SH3TC2: variants seen among roughly 807,000 people sequenced by gnomAD.
The protein encoded by SH3TC2 is SH3 domain and tetratricopeptide repeats 2, also known as SH3 domain and tetratricopeptide repeat-containing protein 2.
A neutral mutation model predicts 124.5 loss-of-function variants in SH3TC2; 87 were observed. That is an observed-to-expected ratio of 0.70 (90% CI 0.59 to 0.84). The LOEUF (loss-of-function observed/expected upper bound fraction) is 0.84, where lower values mean the gene tolerates loss of function less well. Among genes scored for constraint, SH3TC2 ranks in the 40% least tolerant of loss-of-function variants. The probability of loss-of-function intolerance (pLI) is 0.00; values close to 1 mark genes in which losing one functional copy is unlikely to be tolerated. For synonymous variants in SH3TC2, 634 were observed against 628.5 expected, an observed-to-expected ratio of 1.01 and a Z score of -0.13; for missense variants, 1,536 against 1,566.4, an observed-to-expected ratio of 0.98 and a Z score of 0.33.
rs1035590438 is a variant in SH3TC2 at position 149,003,709 on chromosome 5, T to C, written c.*1002A>G. 3 of 397,108 alleles carry C rather than the reference T, an allele frequency of 7.6e-6. No homozygotes were observed. The highest frequency in any genetic ancestry group is 6.4e-5 in the African/African-American group (3 of 47,160). The allele number at this position is 397,108 out of a possible 1,614,324, so 24.6% of individuals were successfully genotyped here. ...CTGAAATCAATAAGATGCCTTGTAG[T>C]TGGGTATGGCACATGCCTGTAGTTC... On this transcript the variant is annotated 3_prime_UTR_variant, in exon 17 of 17. Coordinates refer to ENST00000515425, the MANE Select transcript of SH3TC2 (RefSeq NM_024577.4).
rs1315749650 is a variant in SH3TC2 at position 148,986,860 on chromosome 5, G to T, written c.*17851C>A. On this transcript the variant is annotated 3_prime_UTR_variant, in exon 17 of 17. Transcript: ENST00000515425. ...TATAAACAGCATCAAGTGTTAACTT[G>T]TTAAAACAGTTACACCCAAAAAATG... 1.3e-5 allele frequency among the ~76,000 whole-genome samples: 2 copies of T among 152,140 alleles called. No individual in the cohort carries two copies. The highest frequency in any genetic ancestry group is 4.1e-4 in the South Asian group (2 of 4,826).
chr5:149,027,629 G>T lies in SH3TC2; in HGVS notation c.2103C>A (p.Ala701=). The change falls in exon 11 of 17, where the codon GCC becomes GCA. Residue 701 remains alanine (A), a synonymous_variant. Coordinates refer to ENST00000515425, the MANE Select transcript of SH3TC2 (RefSeq NM_024577.4). ...GCCAAATAGGAAGAGACATCCCTTG[G>T]GCACTCTGGATACCATGTTGCTGGA... ...ASVQQHGIQS[A]QGMSLPIWQV... The T allele has an allele frequency of 1.2e-6, 2 of 1,614,230 alleles. No homozygotes were observed. Among genetic ancestry groups the T allele is most frequent in the Non-Finnish European group, 1.7e-6 (2 of 1,180,032 alleles).
At position 148,997,969 on chromosome 5, in the gene SH3TC2, T is replaced by G. The variant is rs1753537942; in HGVS notation, c.*6742A>C. The stretch of plus-strand genomic sequence containing the variant: ...GTCTCAAAAAGAAGTAAGATATCCA[T>G]CAAATAATACATAGAAAAGAACAAA... On this transcript the variant is annotated 3_prime_UTR_variant, in exon 17 of 17. Transcript: ENST00000515425. Among the ~76,000 whole-genome samples the G allele has an allele frequency of 6.6e-6, 1 of 152,204 alleles. No individual in the cohort carries two copies.
In SH3TC2 at chr5:149,000,175, A is replaced by G. The variant is rs149051843; in HGVS notation, c.*4536T>C. Among the ~76,000 whole-genome samples, 154 of 152,312 alleles carry G rather than the reference A, an allele frequency of 1.0e-3. No homozygotes were observed. Among genetic ancestry groups the G allele is most frequent in the African/African-American group, 3.4e-3 (142 of 41,564 alleles). The stretch of plus-strand genomic sequence containing the variant: ...TTCTGATACTGAATCATATTACATA[A>G]TATATCATTTGCCCCTTTCCTGTCA... On this transcript the variant is annotated 3_prime_UTR_variant, in exon 17 of 17. Coordinates refer to ENST00000515425, the MANE Select transcript of SH3TC2 (RefSeq NM_024577.4).
Position 149,004,647 on chromosome 5 carries a change from A to C in SH3TC2, c.*64T>G. 6.4e-7 allele frequency: 1 copy of C among 1,570,736 alleles called. No homozygotes were observed. ...CTCGGACCCTCCCAATGAGTATTTA[A>C]GAGCCTAGGGCAGTGGGGTCAGAGT... On this transcript the variant is annotated 3_prime_UTR_variant, in exon 17 of 17. Coordinates refer to ENST00000515425, the MANE Select transcript of SH3TC2 (RefSeq NM_024577.4).
rs1753360380 is a variant in SH3TC2, at chr5:148,987,957, C to T, written c.*16754G>A. Among the ~76,000 whole-genome samples, 1 of 152,018 alleles carries T rather than the reference C, an allele frequency of 6.6e-6. No individual in the cohort carries two copies. Among genetic ancestry groups the T allele is most frequent in the South Asian group, 2.1e-4 (1 of 4,814 alleles). On this transcript the variant is annotated 3_prime_UTR_variant, in exon 17 of 17. Coordinates refer to ENST00000515425, the MANE Select transcript of SH3TC2 (RefSeq NM_024577.4). ...TAAAGGTGAGCCATCTCCACTTTGG[C>T]CACTTCTCCAGATACCCACAAGGAA... is the stretch of plus-strand genomic sequence containing the variant.
rs1753382458 is a variant in SH3TC2 at position 148,989,079 on chromosome 5, A to G, written c.*15632T>C. ...AAACAATGTCTTGGATTGTGGAAGA[A>G]TTTGCTATTGTCATTGTTTTTTAAC... On this transcript the variant is annotated 3_prime_UTR_variant, in exon 17 of 17. Coordinates refer to ENST00000515425, the MANE Select transcript of SH3TC2 (RefSeq NM_024577.4). 6.6e-6 allele frequency among the ~76,000 whole-genome samples: 1 copy of G among 152,112 alleles called. No homozygotes were observed. The highest frequency in any genetic ancestry group is 2.1e-4 in the South Asian group (1 of 4,824).
chr5:149,041,767 C>A lies in SH3TC2; in HGVS notation c.530-150G>T, dbSNP rs528356632. The stretch of plus-strand genomic sequence containing the variant: ...TTCACAGGGGAGACACTAAAAGAGG[C>A]CTTATGATCCCAGGAACACTGATAC... On this transcript the variant is annotated intron_variant, in intron 5 of 16. Transcript: ENST00000515425. The A allele has an allele frequency of 3.6e-6, 3 of 836,920 alleles. No homozygotes were observed. The South Asian group carries it at 4.4e-5, about 12-fold the overall frequency. The allele number at this position is 836,920 out of a possible 1,614,324, so 51.8% of individuals were successfully genotyped here.
chr5:149,020,388 C>G (rs1193269036), intron 12 of SH3TC2, among the ~76,000 whole-genome samples: 1 of 151,768 alleles, frequency 6.6e-6, no homozygotes, highest in Non-Finnish European at 1.5e-5. Context: ...CTATTTAACA[C>G]AAAAGAATGC....
chr5:149,011,961 A>AT (rs1753789922), intron 13 of SH3TC2, among the ~76,000 whole-genome samples: 2 of 152,290 alleles, frequency 1.3e-5, no homozygotes, highest in East Asian at 3.9e-4. Context: ...TGAGATATAT[A>AT]ATTTTTGTTT....
Position 148,983,032 on chromosome 5 carries a change from T to G in SH3TC2, c.*21679A>C, listed in dbSNP as rs1294321434. On this transcript the variant is annotated 3_prime_UTR_variant, in exon 17 of 17. Transcript: ENST00000515425. Reference sequence around the variant, plus strand: ...GCTGATGTCAAGGTGTTCCCTTTCCTGGGCCTCAGTGTCCCATCTATGGGA... The same window carrying G: ...GCTGATGTCAAGGTGTTCCCTTTCCGGGGCCTCAGTGTCCCATCTATGGGA... Among the ~76,000 whole-genome samples the G allele has an allele frequency of 6.6e-6, 1 of 152,196 alleles. No homozygotes were observed. The highest frequency in any genetic ancestry group is 1.5e-5 in the Non-Finnish European group (1 of 68,038).
intron 15 of SH3TC2, chr5:149,007,483 T>C: frequency 2.5e-6 from 1 of 400,174 alleles, no homozygotes; most frequent in Non-Finnish European, 4.5e-6. Flanking sequence ...CAAGTCTAGC[T>C]TGATGGAGTA....
chr5:149,019,303 T>C (rs1270314635), intron 12 of SH3TC2, among the ~76,000 whole-genome samples: 2 of 152,204 alleles, frequency 1.3e-5, no homozygotes, highest in African/African-American at 2.4e-5. Flanking sequence ...GTATTTTTTT[T>C]AATGTTCTGT....
chr5:149,053,106 A>G (rs1260391425), intron 1 of SH3TC2, among the ~76,000 whole-genome samples: 1 of 152,190 alleles, frequency 6.6e-6, no homozygotes, highest in Non-Finnish European at 1.5e-5. Context: ...AGAGTTAGGG[A>G]ACCTTGGCTC....
rs1754119445 is a variant in SH3TC2 at position 149,028,426 on chromosome 5, A to T, written c.1306T>A (p.Ser436Thr). 9.9e-6 allele frequency: 16 copies of T among 1,613,622 alleles called. No individual in the cohort carries two copies. Among genetic ancestry groups the T allele is most frequent in the Non-Finnish European group, 1.4e-5 (16 of 1,179,780 alleles). ...SLEEELLSAT[S>T]DSYRLPEPDD... ...GGCTCCGGCAGGCGATAGCTGTCTG[A>T]GGTGGCCGAGAGGAGCTCCTCCTCC... The change falls in exon 11 of 17, where the codon TCA becomes ACA. Residue 436 changes from serine to threonine, a missense_variant. By Grantham distance (58) the Ser-to-Thr change is moderately conservative (BLOSUM62 1). Around this residue, in one of 3 missense-constraint regions of SH3TC2, gnomAD observed 1,102 missense variants for 1,098.6 expected, o/e 1.00. Coordinates refer to ENST00000515425, the MANE Select transcript of SH3TC2 (RefSeq NM_024577.4).
rs953470659 is a variant in SH3TC2, at chr5:149,002,960, C to T, written c.*1751G>A. The T allele has an allele frequency of 3.3e-4, 51 of 153,068 alleles. No individual in the cohort carries two copies. Among genetic ancestry groups the T allele is most frequent in the African/African-American group, 1.1e-3 (46 of 41,576 alleles). 9.5% of individuals were successfully genotyped at this position (153,068 alleles called of 1,614,324 possible). A position where few individuals can be genotyped will look rare whatever the true frequency, so the allele number is the denominator to read the frequency against. On this transcript the variant is annotated 3_prime_UTR_variant, in exon 17 of 17. Transcript: ENST00000515425. The stretch of plus-strand genomic sequence containing the variant: ...ATTAAAATCACCAGGAAAGCTTGGA[C>T]GAGTCAGCGTTCTGGGATCCAGAGA...
At chr5:149,040,494 GCAGAGACGAGACAAAAATT>G in intron 7 of SH3TC2, 91 bp downstream of exon 7, 1 of 991,116 alleles carries the variant, frequency 1.0e-6, no homozygotes. Context: ...CCAGTTCCTA[GCAGAGACGAGACAAAAATT>G]CACATCAACT....
In SH3TC2 at chr5:149,010,100, G is replaced by A. The variant is rs143945406; in HGVS notation, c.3327+170C>T. 8.5e-5 allele frequency among the ~76,000 whole-genome samples: 13 copies of A among 152,296 alleles called. No individual in the cohort carries two copies. The East Asian group carries it at 2.5e-3, about 29-fold the overall frequency. ...GACTAAGTTTATCAGAACCTTCCCTGAGCTCCCACTAGGTTGAAGAGAGAG... is the reference window on the plus strand; with the variant it reads ...GACTAAGTTTATCAGAACCTTCCCTAAGCTCCCACTAGGTTGAAGAGAGAG... On this transcript the variant is annotated intron_variant, in intron 14 of 16. Coordinates refer to ENST00000515425, the MANE Select transcript of SH3TC2 (RefSeq NM_024577.4).
Position 148,983,462 on chromosome 5 carries a change from C to CA in SH3TC2, c.*21248dup, listed in dbSNP as rs1753283972. On this transcript the variant is annotated 3_prime_UTR_variant, in exon 17 of 17. Coordinates refer to ENST00000515425, the MANE Select transcript of SH3TC2 (RefSeq NM_024577.4). ...GGGAATAGGAGCATCTTGTTAGATG[C>CA]ATGCTGAACCCCCGAACTCAGTTTA... Among the ~76,000 whole-genome samples the CA allele has an allele frequency of 6.6e-6, 1 of 152,182 alleles. No individual in the cohort carries two copies. Among genetic ancestry groups the CA allele is most frequent in the African/African-American group, 2.4e-5 (1 of 41,446 alleles).
Sources: gnomAD v4.1 joint callset for allele counts (sites outside exome capture counted in the v4.1 genomes callset) on GRCh38, gnomAD v4.1.1 for gene constraint, gnomAD v4.1.1 regional missense constraint, MANE v1.5 for transcripts, NCBI Gene and HGNC (gene_info 2026-07-23, HGNC 2026-07-21) for gene names.